GPR33: variants seen among roughly 807,000 people sequenced by gnomAD.
The protein encoded by GPR33 is probable G protein-coupled receptor 33.
GPR33 carries 4 observed loss-of-function variants against 3.1 expected under a neutral mutation model. That is an observed-to-expected ratio of 1.29 (90% CI 0.64 to 2.96). GPR33 has a LOEUF of 2.96. Ranked by LOEUF, GPR33 falls within the 30% of genes most tolerant of loss-of-function variation. GPR33 has a pLI of 0.01. For synonymous variants in GPR33, 138 were observed against 142.0 expected (o/e 0.97, Z 0.20); for missense variants, 390 against 388.9 (o/e 1.00, Z -0.02).
Position 31,483,009 on chromosome 14 carries a change from C to T in GPR33, c.957G>A (p.Glu319=). 4 of 1,533,990 alleles carry T rather than the reference C, an allele frequency of 2.6e-6. No homozygotes were observed. The highest frequency in any genetic ancestry group is 2.6e-6 in the Non-Finnish European group (3 of 1,146,242). The stretch of plus-strand genomic sequence containing the variant: ...CAGAAGAATCTTCACTAAATGTTGA[C>T]TCAAACAGAGCAAGAATGGACTTCT... ...VFKKSILALF[E]STFSEDSSVE... Residue 319 remains glutamate (E), a synonymous_variant, in exon 2 of 2, where the codon GAG becomes GAA. Transcript: ENST00000399285.
chr14:31,483,207 A>G lies in GPR33; in HGVS notation c.759T>C (p.Ser253=), dbSNP rs1037849850. 1.3e-6 allele frequency: 2 copies of G among 1,536,150 alleles called. No individual in the cohort carries two copies. Among genetic ancestry groups the G allele is most frequent in the Non-Finnish European group, 1.7e-6 (2 of 1,146,916 alleles). ...GGTAGGGCATCCAACACACAAAGAAAGAGATAATGGCAGTCATCATAACTT... is the reference window on the plus strand; with the variant it reads ...GGTAGGGCATCCAACACACAAAGAAGGAGATAATGGCAGTCATCATAACTT... ...PFKVMMTAII[S]FFVCWMPYHI... Residue 253 remains serine (S), a synonymous_variant, in exon 2 of 2, where the codon TCT becomes TCC. Coordinates refer to ENST00000399285, the MANE Select transcript of GPR33 (RefSeq NM_001197184.3).
chr14:31,483,296 A>G lies in GPR33; in HGVS notation c.670T>C (p.Cys224Arg). The part of the protein sequence containing the change: ...FLLPFFIIIF[C>R]YERVASKVKE... ...ACCTTGCTGGCTACTCTTTCATAAC[A>G]AAAGATGATGATGAAGAAAGGCAGA... The change falls in exon 2 of 2, where the codon TGT becomes CGT. Residue 224 changes from cysteine (C) to arginine (R), a missense_variant. By Grantham distance (180) the Cys-to-Arg change is radical. Transcript: ENST00000399285. 6.5e-7 allele frequency: 1 copy of G among 1,536,170 alleles called. No individual in the cohort carries two copies. The highest frequency in any genetic ancestry group is 8.7e-7 in the Non-Finnish European group (1 of 1,146,920).
rs1390480093 is a variant in GPR33, at chr14:31,483,199, A to C, written c.767T>G (p.Val256Gly). Reference sequence around the variant, plus strand: ...GTGTATATGGTAGGGCATCCAACACACAAAGAAAGAGATAATGGCAGTCAT... The same window carrying C: ...GTGTATATGGTAGGGCATCCAACACCCAAAGAAAGAGATAATGGCAGTCAT... ...VMMTAIISFF[V>G]CWMPYHIHQG... is the part of the protein sequence containing the mutation. Residue 256 changes from valine to glycine, a missense_variant, in exon 2 of 2, where the codon GTG becomes GGG. Coordinates refer to ENST00000399285, the MANE Select transcript of GPR33 (RefSeq NM_001197184.3). The C allele has an allele frequency of 2.6e-6, 4 of 1,536,170 alleles. No individual in the cohort carries two copies. The highest frequency in any genetic ancestry group is 3.5e-6 in the Non-Finnish European group (4 of 1,146,910).
intron 1 of GPR33, among the ~76,000 whole-genome samples, chr14:31,487,685 G>C (rs570210777): frequency 1.3e-5 from 2 of 152,002 alleles, no homozygotes; most frequent in African/African-American, 4.8e-5. Flanking sequence ...TGATCTGCCC[G>C]CCTCAGCCTC....
At position 31,485,411 on chromosome 14, in the gene GPR33, G is replaced by A. The variant is rs571961040; in HGVS notation, c.-6-1440C>T. Among the ~76,000 whole-genome samples, 90 of 151,564 alleles carry A rather than the reference G, an allele frequency of 5.9e-4. 1 individual carries two copies. In the South Asian group the frequency reaches 0.018, roughly 30 times the overall value. ...AGCACTTTGGGAGGCCGAGGTGGGC[G>A]GATCACAAGGTCAGGAGATCGAGAC... On this transcript the variant is annotated intron_variant, in intron 1 of 1. Transcript: ENST00000399285.
chr14:31,485,312 A>G (rs1042895094), intron 1 of GPR33, among the ~76,000 whole-genome samples: 9 of 151,454 alleles, frequency 5.9e-5, no homozygotes, highest in Non-Finnish European at 2.9e-5. Context: ...TATTTATCCA[A>G]TATTTGTGGT....
In GPR33 at chr14:31,483,414, A is replaced by G. The variant is rs1464150445; in HGVS notation, c.552T>C (p.Ala184=). 3.3e-6 allele frequency: 5 copies of G among 1,536,060 alleles called. No homozygotes were observed. The highest frequency in any genetic ancestry group is 1.4e-5 in the African/African-American group (1 of 73,062). Residue 184 remains alanine (A), a synonymous_variant, in exon 2 of 2, where the codon GCT becomes GCC. Coordinates refer to ENST00000399285, the MANE Select transcript of GPR33 (RefSeq NM_001197184.3). ...CCTTGCTTTCCCAGTTAGTAGACACAGCATAGTTATTTTGGCAAGTCACCT... is the reference window on the plus strand; with the variant it reads ...CCTTGCTTTCCCAGTTAGTAGACACGGCATAGTTATTTTGGCAAGTCACCT... ...KGKVTCQNNY[A]VSTNWESKEM...
Position 31,483,299 on chromosome 14 carries a change from AGAT to A in GPR33, c.664_666del (p.Ile222del), listed in dbSNP as rs766155266. 3.9e-6 allele frequency: 6 copies of A among 1,536,186 alleles called. No individual in the cohort carries two copies. In the South Asian group the frequency reaches 5.9e-5, roughly 15 times the overall value. On this transcript the variant is annotated inframe_deletion, in exon 2 of 2. Coordinates refer to ENST00000399285, the MANE Select transcript of GPR33 (RefSeq NM_001197184.3). The stretch of plus-strand genomic sequence containing the variant: ...TTGCTGGCTACTCTTTCATAACAAA[AGAT>A]GATGATGAAGAAAGGCAGAAGAAAG...
intron 1 of GPR33, among the ~76,000 whole-genome samples, 154 bp downstream of exon 1, chr14:31,487,743 C>T (rs975796660): frequency 6.6e-5 from 10 of 152,090 alleles, no homozygotes; most frequent in Admixed American, 2.0e-4. Context: ...CAGCCACAGG[C>T]GGCTTTCAGG....
Position 31,483,187 on chromosome 14 carries a change from G to A in GPR33, c.779C>T (p.Pro260Leu), listed in dbSNP as rs1595231194. Residue 260 changes from proline to leucine, a missense_variant, in exon 2 of 2, where the codon CCC becomes CTC. Transcript: ENST00000399285. ...AIISFFVCWMPYHIHQGLLLT... is the reference protein window; with the variant it reads ...AIISFFVCWMLYHIHQGLLLT... ...AAGTAAGCCCTGGTGTATATGGTAG[G>A]GCATCCAACACACAAAGAAAGAGAT... The A allele has an allele frequency of 6.5e-7, 1 of 1,536,018 alleles. No homozygotes were observed. Among genetic ancestry groups the A allele is most frequent in the African/African-American group, 1.4e-5 (1 of 73,118 alleles).
chr14:31,483,322 A>G lies in GPR33; in HGVS notation c.644T>C (p.Leu215Pro), dbSNP rs2032381533. 6.5e-7 allele frequency: 1 copy of G among 1,536,068 alleles called. No individual in the cohort carries two copies. Among genetic ancestry groups the G allele is most frequent in the African/African-American group, 1.4e-5 (1 of 73,064 alleles). ...AAAGATGATGATGAAGAAAGGCAGA[A>G]GAAAGCCCAGCAAGAAGCGGCTGAT... The part of the protein sequence containing the change: ...CFISRFLLGF[L>P]LPFFIIIFCY... The change falls in exon 2 of 2, where the codon CTT becomes CCT. Residue 215 changes from leucine to proline, a missense_variant. Transcript: ENST00000399285.
At chr14:31,487,361 T>C (rs2139381088) in intron 1 of GPR33, among the ~76,000 whole-genome samples, 1 of 150,892 alleles carries the variant, frequency 6.6e-6, no homozygotes, top group East Asian at 2.0e-4. Context: ...GTTTGTATCC[T>C]ACCTCTACCA....
chr14:31,483,957 C>A lies in GPR33; in HGVS notation c.9G>T (p.Leu3=), dbSNP rs1004120202. The A allele has an allele frequency of 9.8e-6, 15 of 1,533,240 alleles. No homozygotes were observed. Among genetic ancestry groups the A allele is most frequent in the Non-Finnish European group, 1.3e-5 (15 of 1,145,654 alleles). 95.0% of individuals were successfully genotyped at this position (1,533,240 alleles called of 1,614,324 possible). A position where few individuals can be genotyped will look rare whatever the true frequency, so the allele number is the denominator to read the frequency against. Residue 3 remains leucine, a synonymous_variant, in exon 2 of 2, where the codon CTG becomes CTT. Coordinates refer to ENST00000399285, the MANE Select transcript of GPR33 (RefSeq NM_001197184.3). MD[L]INSTDYLINA... ...TGATCAGGTAATCAGTAGAGTTGATCAGATCCATAATGACCTGTGGAGTGA... is the reference window on the plus strand; with the variant it reads ...TGATCAGGTAATCAGTAGAGTTGATAAGATCCATAATGACCTGTGGAGTGA...
chr14:31,483,650 C>A lies in GPR33; in HGVS notation c.316G>T (p.Gly106Cys), dbSNP rs1595231580. 1 of 1,536,106 alleles carries A rather than the reference C, an allele frequency of 6.5e-7. No individual in the cohort carries two copies. Among genetic ancestry groups the A allele is most frequent in the East Asian group, 2.4e-5 (1 of 40,922 alleles). Reference protein sequence around the residue: ...FGTALCKVFNGTLSLGMFTSV... With the variant: ...FGTALCKVFNCTLSLGMFTSV... ...GTGAACATCCCCAGAGACAAAGTGC[C>A]ATTGAAGACCTTGCACAAGGCAGTT... Residue 106 changes from glycine (G) to cysteine (C), a missense_variant, in exon 2 of 2, where the codon GGC (glycine) becomes TGC (cysteine). Gly to Cys is a radical substitution (Grantham distance 159). Transcript: ENST00000399285.
chr14:31,483,928 G>A lies in GPR33; in HGVS notation c.38C>T (p.Ala13Val). ...AGTGCTGTTTCTTACTAAAGTAGAGGCATTGATCAGGTAATCAGTAGAGTT... is the reference window on the plus strand; with the variant it reads ...AGTGCTGTTTCTTACTAAAGTAGAGACATTGATCAGGTAATCAGTAGAGTT... ...LINSTDYLIN[A>V]STLVRNSTQF... Residue 13 changes from alanine (A) to valine (V), a missense_variant, in exon 2 of 2, where the codon GCC becomes GTC. Ala to Val is a moderately conservative substitution (Grantham distance 64). Coordinates refer to ENST00000399285, the MANE Select transcript of GPR33 (RefSeq NM_001197184.3). The A allele has an allele frequency of 6.5e-7, 1 of 1,535,630 alleles. No homozygotes were observed. The highest frequency in any genetic ancestry group is 2.4e-5 in the East Asian group (1 of 40,900).
At chr14:31,487,095 G>T (rs910083745) in intron 1 of GPR33, among the ~76,000 whole-genome samples, 1 of 152,100 alleles carries the variant, frequency 6.6e-6, no homozygotes, top group Non-Finnish European at 1.5e-5. Flanking sequence ...TTATGGGAAA[G>T]ATTTTTTTTT....
intron 1 of GPR33, among the ~76,000 whole-genome samples, chr14:31,487,431 A>ATTTTT (rs2032430419): frequency 3.6e-5 from 2 of 56,032 alleles, no homozygotes; most frequent in Admixed American, 1.7e-4. Flanking sequence ...TAAGCCCCTC[A>ATTTTT]GTTTTTTTTT....
chr14:31,486,518 G>A (rs1220478436), intron 1 of GPR33, among the ~76,000 whole-genome samples: 1 of 152,134 alleles, frequency 6.6e-6, no homozygotes, highest in Non-Finnish European at 1.5e-5. Flanking sequence ...AGTCTTCTTT[G>A]GGAATAAAAA....
At chr14:31,487,273 C>G (rs1164395556) in intron 1 of GPR33, among the ~76,000 whole-genome samples, 2 of 151,976 alleles carry the variant, frequency 1.3e-5, no homozygotes, top group Non-Finnish European at 2.9e-5. Context: ...CATCCTTAAA[C>G]ACCTTTAAAA....
Sources: allele counts gnomAD v4.1 joint callset (sites outside exome capture counted in the v4.1 genomes callset), GRCh38; gene constraint gnomAD v4.1.1; transcripts MANE v1.5; gene names NCBI Gene and HGNC (gene_info 2026-07-23, HGNC 2026-07-21).